The following MYO3A variants were observed in gnomAD, a reference collection of about 807,000 sequenced individuals.
MYO3A encodes myosin-IIIa.
MYO3A carries 180 observed loss-of-function variants against 192.7 expected under a neutral mutation model. The observed-to-expected ratio is 0.93, with a 90% CI of 0.83 to 1.06. The LOEUF (loss-of-function observed/expected upper bound fraction) is 1.06. MYO3A is among the 50% of genes least tolerant of loss of function. The probability of loss-of-function intolerance (pLI) is 0.00; values close to 1 mark genes in which losing one functional copy is unlikely to be tolerated. For missense variants in MYO3A, 1,896 were observed against 1,905.0 expected, an observed-to-expected ratio of 1.00 and a Z score of 0.09; for synonymous variants, 628 against 645.3, an observed-to-expected ratio of 0.97 and a Z score of 0.41.
At chr10:25,980,329 C>T (rs1369009103) in intron 4 of MYO3A, among the ~76,000 whole-genome samples, 1 of 151,964 alleles carries the variant, frequency 6.6e-6, no homozygotes, top group Admixed American at 6.6e-5. Flanking sequence ...ACAAAAAACC[C>T]TCACTATTTT....
At chr10:25,946,525 T>C (rs1343833234) in intron 2 of MYO3A, among the ~76,000 whole-genome samples, 1 of 151,976 alleles carries the variant, frequency 6.6e-6, no homozygotes, top group African/African-American at 2.4e-5. Flanking sequence ...TTTCCCTTTT[T>C]TTTTTTTTGT....
chr10:26,106,184 A>T (rs952571002), intron 17 of MYO3A, among the ~76,000 whole-genome samples: 1 of 152,078 alleles, frequency 6.6e-6, no homozygotes, highest in African/African-American at 2.4e-5. Context: ...AATTAGAATT[A>T]TATTGAATTT....
intron 21 of MYO3A, among the ~76,000 whole-genome samples, chr10:26,144,509 CA>C (rs568482374): frequency 1.2e-3 from 178 of 151,832 alleles, no homozygotes; most frequent in African/African-American, 4.1e-3. Flanking sequence ...TCATAGCAGT[CA>C]GTTGATTTTT....
chr10:26,051,353 A>G (rs1843990694), intron 10 of MYO3A, among the ~76,000 whole-genome samples: 1 of 151,994 alleles, frequency 6.6e-6, no homozygotes, highest in Non-Finnish European at 1.5e-5. Context: ...GGAAAAGACA[A>G]TGCTTTAAAA....
At chr10:26,088,109 A>C in intron 14 of MYO3A, 94 bp from the exon 15 acceptor site, 1 of 993,038 alleles carries the variant, frequency 1.0e-6, no homozygotes, top group South Asian at 1.7e-5. Flanking sequence ...GTATGTTTAT[A>C]TCTACATAAA....
intron 19 of MYO3A, among the ~76,000 whole-genome samples, chr10:26,127,431 A>G (rs1839282547): frequency 1.3e-5 from 2 of 152,220 alleles, no homozygotes; most frequent in African/African-American, 4.8e-5. Flanking sequence ...ACAATAATAC[A>G]GAATTATTAT....
At chr10:26,018,756 A>G (rs1439940768) in intron 7 of MYO3A, among the ~76,000 whole-genome samples, 2 of 152,206 alleles carry the variant, frequency 1.3e-5, no homozygotes, top group Admixed American at 6.5e-5. Context: ...GCATTAAACA[A>G]GAATGTCTAA....
intron 28 of MYO3A, among the ~76,000 whole-genome samples, chr10:26,169,638 G>C (rs567504231): frequency 6.6e-6 from 1 of 152,102 alleles, no homozygotes; most frequent in African/African-American, 2.4e-5. Context: ...CTAATATCGT[G>C]GGCAGAGGAG....
Position 26,176,623 on chromosome 10 carries a change from G to A in MYO3A, c.4294-78G>A, listed in dbSNP as rs113977717. On this transcript the variant is annotated intron_variant, in intron 30 of 34. Transcript: ENST00000642920. ...GAGTCCCCAAGAGTGCTGGTAAGGC[G>A]TTTCCCAGCCCCCGGTGCCTGCAGA... is the stretch of plus-strand genomic sequence containing the variant. The A allele has an allele frequency of 0.027, 36,853 of 1,363,096 alleles. 608 individuals are homozygous for A. The highest frequency in any genetic ancestry group is 0.031 in the Non-Finnish European group (29,988 of 972,878). The allele number at this position is 1,363,096 out of a possible 1,614,324, so 84.4% of individuals were successfully genotyped here. A position where few individuals can be genotyped will look rare whatever the true frequency, so the allele number is the denominator to read the frequency against.
chr10:26,042,108 A>G (rs1843383205), intron 10 of MYO3A, among the ~76,000 whole-genome samples: 2 of 152,014 alleles, frequency 1.3e-5, no homozygotes, highest in Admixed American at 1.3e-4. Context: ...AGGGTAAAAT[A>G]TTTTCTCCAT....
At chr10:26,063,531 G>T (rs1317239243) in intron 10 of MYO3A, among the ~76,000 whole-genome samples, 1 of 152,114 alleles carries the variant, frequency 6.6e-6, no homozygotes, top group African/African-American at 2.4e-5. Context: ...ATGTCCAATT[G>T]TTCCAGCACC....
At chr10:26,136,975 G>A (rs1216140491) in intron 20 of MYO3A, among the ~76,000 whole-genome samples, 5 of 151,820 alleles carry the variant, frequency 3.3e-5, no homozygotes, top group Non-Finnish European at 7.4e-5. Context: ...CAGAGTTCGT[G>A]CCACTGCACT....
rs895771678 is a variant in MYO3A at position 26,081,396 on chromosome 10, G to A, written c.1360-6807G>A. The stretch of plus-strand genomic sequence containing the variant: ...CCAGCTCCCATGCAAACTGAAGGGC[G>A]GGTCTCACTCCCACCATGCCCCCGC... On this transcript the variant is annotated intron_variant, in intron 14 of 34. Transcript: ENST00000642920. Among the ~76,000 whole-genome samples, 15 of 152,046 alleles carry A rather than the reference G, an allele frequency of 9.9e-5. No individual in the cohort carries two copies. In the East Asian group the frequency reaches 1.4e-3, roughly 14 times the overall value.
intron 6 of MYO3A, among the ~76,000 whole-genome samples, chr10:26,005,135 T>G (rs1380830430): frequency 2.0e-5 from 3 of 152,118 alleles, no homozygotes; most frequent in East Asian, 3.9e-4. Context: ...ATTAATCAAG[T>G]GCTCAAAGCA....
chr10:25,942,478 T>A (rs150717852), intron 2 of MYO3A, among the ~76,000 whole-genome samples: 215 of 152,348 alleles, frequency 1.4e-3, no homozygotes, highest in African/African-American at 5.0e-3. Context: ...ATTTTTATCC[T>A]ATGGTAAGTC....
chr10:26,140,750 T>C (rs1379814332), intron 20 of MYO3A, among the ~76,000 whole-genome samples: 2 of 151,354 alleles, frequency 1.3e-5, no homozygotes, highest in Admixed American at 6.6e-5. Context: ...TTTCCTAACA[T>C]CTAAATCTAA....
chr10:26,008,021 G>A (rs140315823), intron 6 of MYO3A, among the ~76,000 whole-genome samples: 1,643 of 151,152 alleles, frequency 0.011, 14 homozygotes, highest in Non-Finnish European at 0.017. Context: ...CGTGGTACTG[G>A]TACCAAAACA....
intron 20 of MYO3A, among the ~76,000 whole-genome samples, chr10:26,129,231 A>G (rs1839396572): frequency 6.6e-6 from 1 of 152,224 alleles, no homozygotes; most frequent in African/African-American, 2.4e-5. Flanking sequence ...TATTCAAAAT[A>G]TTTAGGCTTC....
chr10:26,014,188 G>C (rs1372692294), intron 6 of MYO3A, among the ~76,000 whole-genome samples: 1 of 151,866 alleles, frequency 6.6e-6, no homozygotes, highest in Non-Finnish European at 1.5e-5. Context: ...ACGCCACTAG[G>C]GTAATGGGTG....
Sources: allele counts gnomAD v4.1 joint callset (sites outside exome capture counted in the v4.1 genomes callset), GRCh38; gene constraint gnomAD v4.1.1; transcripts MANE v1.5; gene names NCBI Gene and HGNC (gene_info 2026-07-23, HGNC 2026-07-21).